The following AFMID variants were observed in gnomAD, a reference collection of about 807,000 sequenced individuals.
AFMID encodes the protein kynurenine formamidase.
In AFMID, 39 loss-of-function variants were observed where a neutral mutation model predicts 47.5. The ratio of observed to expected loss-of-function variants is 0.82; its 90% CI spans 0.64 to 1.07. AFMID has a LOEUF of 1.07. Among genes scored for constraint, AFMID ranks in the 50% least tolerant of loss-of-function variants. The pLI is 0.00. For missense variants in AFMID, 375 were observed against 387.5 expected (o/e 0.97, Z 0.27); for synonymous variants, 130 against 153.2 (o/e 0.85, Z 1.12).
intron 2 of AFMID, among the ~76,000 whole-genome samples, chr17:78,198,711 A>G (rs1011202763): frequency 4.6e-5 from 7 of 151,772 alleles, no homozygotes; most frequent in Non-Finnish European, 1.0e-4. Flanking sequence ...CAGAAGGAGG[A>G]GACAGGAGAA....
chr17:78,204,989 C>T (rs751783636), intron 6 of AFMID, 89 bp downstream of exon 6: 5 of 1,583,434 alleles, frequency 3.2e-6, no homozygotes, highest in Non-Finnish European at 4.3e-6. Flanking sequence ...CCAAGCTGCC[C>T]CTCTGGCCTG....
intron 2 of AFMID, among the ~76,000 whole-genome samples, chr17:78,201,627 C>G (rs1241261860): frequency 6.6e-6 from 1 of 152,064 alleles, no homozygotes; most frequent in East Asian, 1.9e-4. Flanking sequence ...GAGACCCTGT[C>G]CTTTAAAACA....
At chr17:78,206,884 C>CTTTTGT in intron 10 of AFMID, 27 bp from the exon 11 acceptor site, 1 of 1,613,350 alleles carries the variant, frequency 6.2e-7, no homozygotes, top group Non-Finnish European at 8.5e-7. Context: ...GATTCTGGGG[C>CTTTTGT]TTTTGTGTCT....
intron 1 of AFMID, among the ~76,000 whole-genome samples, chr17:78,187,697 C>T (rs573894632): frequency 2.0e-5 from 3 of 152,072 alleles, no homozygotes; most frequent in African/African-American, 4.8e-5. Context: ...CCAGGCGTGG[C>T]GGCTCACACC....
At position 78,204,418 on chromosome 17, in the gene AFMID, C is replaced by T. The variant is rs539328718; in HGVS notation, c.309-238C>T. 5.9e-5 allele frequency among the ~76,000 whole-genome samples: 9 copies of T among 152,188 alleles called. No homozygotes were observed. In the South Asian group the frequency reaches 8.3e-4, roughly 14 times the overall value. On this transcript the variant is annotated intron_variant, in intron 4 of 10. Coordinates refer to ENST00000409257, the MANE Select transcript of AFMID (RefSeq NM_001010982.5). ...TCGCACCATTGCACTCCAGCCTGGG[C>T]GACAGAGCGAGGCCCTATCGCTTAG...
At chr17:78,196,004 C>G (rs181740638) in intron 2 of AFMID, among the ~76,000 whole-genome samples, 93 of 152,268 alleles carry the variant, frequency 6.1e-4, no homozygotes, top group African/African-American at 2.2e-3. Flanking sequence ...CACCACCATG[C>G]CCAGCTAATT....
chr17:78,190,756 G>A (rs897059557), intron 1 of AFMID: 7 of 512,198 alleles, frequency 1.4e-5, no homozygotes, highest in Non-Finnish European at 2.4e-5. Context: ...ATTCGTTTGG[G>A]GGACCTCATC....
chr17:78,204,023 CAAA>C (rs11308034), intron 4 of AFMID: 60 of 93,480 alleles, frequency 6.4e-4, no homozygotes, highest in Non-Finnish European at 6.4e-4. Flanking sequence ...GACTCTGTCT[CAAA>C]AAAAAAAAAA....
chr17:78,192,746 C>T (rs2076006088), intron 2 of AFMID: 1 of 434,306 alleles, frequency 2.3e-6, no homozygotes, highest in Non-Finnish European at 4.9e-6. Context: ...GTAATGCATC[C>T]GTGCTGGGAT....
intron 2 of AFMID, among the ~76,000 whole-genome samples, chr17:78,194,747 T>C (rs538467523): frequency 3.9e-5 from 6 of 152,184 alleles, no homozygotes; most frequent in African/African-American, 1.4e-4. Flanking sequence ...AGGCTTGGAG[T>C]GCAATGGCGC....
At chr17:78,194,557 C>T (rs1421965878) in intron 2 of AFMID, among the ~76,000 whole-genome samples, 1 of 152,230 alleles carries the variant, frequency 6.6e-6, no homozygotes, top group Non-Finnish European at 1.5e-5. Flanking sequence ...TGGCCGCCCT[C>T]ATCTGGGCTC....
rs1006577900 is a variant in AFMID at position 78,207,126 on chromosome 17, T to G, written c.*189T>G. 21 of 648,830 alleles carry G rather than the reference T, an allele frequency of 3.2e-5. No homozygotes were observed. The highest frequency in any genetic ancestry group is 2.4e-4 in the African/African-American group (13 of 54,562). 40.2% of individuals were successfully genotyped at this position (648,830 alleles called of 1,614,324 possible). The stretch of plus-strand genomic sequence containing the variant: ...CATGAAAATCTCCACGTCCTCCCTC[T>G]TCCCAGCCTGGATGGAGCTCCAGGG... On this transcript the variant is annotated 3_prime_UTR_variant, in exon 11 of 11. Coordinates refer to ENST00000409257, the MANE Select transcript of AFMID (RefSeq NM_001010982.5).
chr17:78,205,280 A>G (rs1599016619), intron 7 of AFMID, 90 bp downstream of exon 7: 1 of 1,466,232 alleles, frequency 6.8e-7, no homozygotes, highest in Non-Finnish European at 9.4e-7. Flanking sequence ...CCTCCCGGCC[A>G]TGAGTGGCTT....
At chr17:78,189,830 GTTTT>G (rs770053983) in intron 1 of AFMID, among the ~76,000 whole-genome samples, 2 of 109,466 alleles carry the variant, frequency 1.8e-5, no homozygotes, top group East Asian at 2.7e-4. Context: ...TTTTCTGTTG[GTTTT>G]TTTTTTTTTT....
chr17:78,203,165 A>G (rs1018429786), intron 4 of AFMID: 2 of 164,660 alleles, frequency 1.2e-5, no homozygotes, highest in African/African-American at 5.0e-5. Flanking sequence ...GGCTCAAGCA[A>G]TTCTTCTGCC....
intron 2 of AFMID, chr17:78,197,180 T>TTCTGATGAAGCCAC: frequency 6.4e-7 from 1 of 1,550,560 alleles, no homozygotes; most frequent in Non-Finnish European, 8.7e-7. Context: ...AATCACGACC[T>TTCTGATGAAGCCAC]TCTGATGAAG....
At position 78,205,935 on chromosome 17, in the gene AFMID, C is replaced by T. The variant is rs774150332; in HGVS notation, c.781-11C>T. On this transcript the variant is annotated splice_polypyrimidine_tract_variant and intron_variant, in intron 9 of 10. Transcript: ENST00000409257. ...TGCTCAGGCCCCTCTTCCCATGTCT[C>T]CCCTGCCCAGACCCTGTGTCAAGGA... 1 of 1,612,568 alleles carries T rather than the reference C, an allele frequency of 6.2e-7. No individual in the cohort carries two copies. Among genetic ancestry groups the T allele is most frequent in the Non-Finnish European group, 8.5e-7 (1 of 1,179,472 alleles).
At chr17:78,197,242 G>C in intron 2 of AFMID, 1 of 1,543,140 alleles carries the variant, frequency 6.5e-7, no homozygotes, top group Non-Finnish European at 8.7e-7. Flanking sequence ...GCTGGGGCAG[G>C]GTTGTTGGCA....
At chr17:78,206,424 T>TC (rs2076384906) in intron 10 of AFMID, among the ~76,000 whole-genome samples, 1 of 151,482 alleles carries the variant, frequency 6.6e-6, no homozygotes, top group Non-Finnish European at 1.5e-5. Flanking sequence ...TTTTTTTTTT[T>TC]CTTTAGAGAC....
Sources: allele counts gnomAD v4.1 joint callset (sites outside exome capture counted in the v4.1 genomes callset), GRCh38; gene constraint gnomAD v4.1.1; transcripts MANE v1.5; gene names NCBI Gene and HGNC (gene_info 2026-07-23, HGNC 2026-07-21).